ARFIP1: variants seen among roughly 807,000 people sequenced by gnomAD.
The protein encoded by ARFIP1 is ARF interacting protein 1.
ARFIP1 carries 24 observed loss-of-function variants against 42.5 expected under a neutral mutation model. That is an observed-to-expected ratio of 0.57 (90% CI 0.41 to 0.80). The LOEUF (loss-of-function observed/expected upper bound fraction) is 0.80. ARFIP1 is among the 30% of genes least tolerant of loss of function. The pLI is 0.00. For synonymous variants in ARFIP1, 141 were observed against 153.7 expected (o/e 0.92, Z 0.61); for missense variants, 354 against 434.0 (o/e 0.82, Z 1.64).
At chr4:152,839,211 A>G (rs927499688) in intron 2 of ARFIP1, among the ~76,000 whole-genome samples, 12 of 152,150 alleles carry the variant, frequency 7.9e-5, no homozygotes, top group Non-Finnish European at 1.8e-4. Context: ...TTTAGCATCA[A>G]TGTTCATCAA....
At chr4:152,884,739 A>C (rs1736129445) in intron 7 of ARFIP1, among the ~76,000 whole-genome samples, 1 of 152,060 alleles carries the variant, frequency 6.6e-6, no homozygotes, top group African/African-American at 2.4e-5. Context: ...CTTGTAGTCA[A>C]TTTCAAAGGC....
chr4:152,854,686 C>T (rs1291740112), intron 2 of ARFIP1, among the ~76,000 whole-genome samples: 3 of 152,214 alleles, frequency 2.0e-5, no homozygotes, highest in Non-Finnish European at 4.4e-5. Flanking sequence ...CTTGTGCAAG[C>T]AGTAGTGTAC....
intron 1 of ARFIP1, among the ~76,000 whole-genome samples, chr4:152,790,329 A>G (rs868093392): frequency 1.3e-5 from 2 of 152,242 alleles, no homozygotes; most frequent in African/African-American, 2.4e-5. Context: ...AATGAAATCA[A>G]TTACAACAAC....
chr4:152,837,295 A>G (rs928039850), intron 2 of ARFIP1, among the ~76,000 whole-genome samples: 3 of 152,200 alleles, frequency 2.0e-5, no homozygotes, highest in Non-Finnish European at 4.4e-5. Flanking sequence ...GATACCCAGG[A>G]GTGGGATTGC....
At chr4:152,851,263 A>C (rs552596119) in intron 2 of ARFIP1, among the ~76,000 whole-genome samples, 55 of 152,288 alleles carry the variant, frequency 3.6e-4, no homozygotes, top group Non-Finnish European at 6.9e-4. Context: ...CATGTGAAAA[A>C]TGTTGTGCTA....
At chr4:152,890,982 A>G (rs936752822) in intron 8 of ARFIP1, among the ~76,000 whole-genome samples, 1 of 152,200 alleles carries the variant, frequency 6.6e-6, no homozygotes, top group African/African-American at 2.4e-5. Context: ...TTTCAGTTCT[A>G]GAGGCTGGGA....
intron 1 of ARFIP1, among the ~76,000 whole-genome samples, chr4:152,815,905 C>T (rs557810522): frequency 0.014 from 2,157 of 151,906 alleles, 52 homozygotes; most frequent in African/African-American, 0.049. Flanking sequence ...CCACTACGCC[C>T]GGCTAATTTT....
At chr4:152,874,658 A>G (rs1482048637) in intron 5 of ARFIP1, among the ~76,000 whole-genome samples, 1 of 151,870 alleles carries the variant, frequency 6.6e-6, no homozygotes, top group Non-Finnish European at 1.5e-5. Flanking sequence ...CTTGTTATCC[A>G]TTTACTGTTT....
At chr4:152,790,568 T>A (rs931234792) in intron 1 of ARFIP1, among the ~76,000 whole-genome samples, 2 of 152,204 alleles carry the variant, frequency 1.3e-5, no homozygotes, top group African/African-American at 2.4e-5. Flanking sequence ...CTGCAGACAG[T>A]CAGTTTTGTT....
chr4:152,835,286 A>G lies in ARFIP1; in HGVS notation c.93+5560A>G, dbSNP rs554812220. ...AGTCATTTATTTGCTCTCATATCCA[A>G]TCTTAGGCTGTTAGAGGCAGCCAAG... is the stretch of plus-strand genomic sequence containing the variant. On this transcript the variant is annotated intron_variant, in intron 2 of 8. Transcript: ENST00000353617. Among the ~76,000 whole-genome samples, 8 of 152,312 alleles carry G rather than the reference A, an allele frequency of 5.3e-5. No homozygotes were observed. In the East Asian group the frequency reaches 1.5e-3, roughly 29 times the overall value.
intron 1 of ARFIP1, among the ~76,000 whole-genome samples, chr4:152,800,468 GAT>G (rs1728315809): frequency 6.6e-6 from 1 of 152,110 alleles, no homozygotes; most frequent in South Asian, 2.1e-4. Context: ...TGAAAGAAAA[GAT>G]GAGTAAATTT....
intron 1 of ARFIP1, among the ~76,000 whole-genome samples, chr4:152,805,435 G>T (rs778792781): frequency 6.6e-6 from 1 of 152,220 alleles, no homozygotes; most frequent in Non-Finnish European, 1.5e-5. Context: ...CGGCATCATT[G>T]CTTAACACTG....
intron 1 of ARFIP1, among the ~76,000 whole-genome samples, chr4:152,813,580 T>G (rs919343002): frequency 6.6e-6 from 1 of 152,248 alleles, no homozygotes; most frequent in Non-Finnish European, 1.5e-5. Context: ...CATTATACTT[T>G]TAGTGGTTGC....
At chr4:152,857,877 C>T (rs751552649) in intron 2 of ARFIP1, among the ~76,000 whole-genome samples, 5 of 152,214 alleles carry the variant, frequency 3.3e-5, no homozygotes, top group Non-Finnish European at 5.9e-5. Flanking sequence ...TCCCCACCCC[C>T]CAGAACATCA....
intron 1 of ARFIP1, among the ~76,000 whole-genome samples, chr4:152,784,294 C>G (rs148429331): frequency 0.012 from 1,833 of 152,286 alleles, 40 homozygotes; most frequent in Non-Finnish European, 0.015. Context: ...TTTTGGCAGT[C>G]ATGGAAGCTG....
At chr4:152,888,763 A>G (rs1736479872) in intron 8 of ARFIP1, among the ~76,000 whole-genome samples, 1 of 152,170 alleles carries the variant, frequency 6.6e-6, no homozygotes, top group African/African-American at 2.4e-5. Context: ...AAGGAAGCCA[A>G]GAGATCCATT....
rs1735953895 is a variant in ARFIP1, at chr4:152,882,834, A to G, written c.745A>G (p.Thr249Ala). 1.2e-6 allele frequency: 2 copies of G among 1,611,370 alleles called. No homozygotes were observed. Among genetic ancestry groups the G allele is most frequent in the Non-Finnish European group, 1.7e-6 (2 of 1,178,948 alleles). ...TAGTGTGAACACTTTGGTGAATAAA[A>G]CCATTGAAGATACATTAATGACTGT... ...IASVNTLVNK[T>A]IEDTLMTVKQ... Residue 249 changes from threonine (T) to alanine (A), a missense_variant, in exon 7 of 9, where the codon ACC (threonine) becomes GCC (alanine). By Grantham distance (58) the Thr-to-Ala change is moderately conservative. Coordinates refer to ENST00000353617, the MANE Select transcript of ARFIP1 (RefSeq NM_001025595.3).
intron 2 of ARFIP1, among the ~76,000 whole-genome samples, chr4:152,851,553 T>C (rs1732983303): frequency 6.6e-6 from 1 of 152,158 alleles, no homozygotes; most frequent in South Asian, 2.1e-4. Context: ...TTGAAGAGTT[T>C]AGTCTTTACC....
intron 8 of ARFIP1, among the ~76,000 whole-genome samples, chr4:152,888,745 C>T (rs1736478812): frequency 6.6e-6 from 1 of 152,020 alleles, no homozygotes; most frequent in Admixed American, 6.6e-5. Flanking sequence ...GTTAGCATAA[C>T]CTAGGAGAAG....
Sources: allele counts gnomAD v4.1 joint callset (sites outside exome capture counted in the v4.1 genomes callset), GRCh38; gene constraint gnomAD v4.1.1; transcripts MANE v1.5; gene names NCBI Gene and HGNC (gene_info 2026-07-23, HGNC 2026-07-21).